RIMS1: variants seen among roughly 807,000 people sequenced by gnomAD.
The protein encoded by RIMS1 is regulating synaptic membrane exocytosis 1.
Under a neutral mutation model 214.1 loss-of-function variants are expected in RIMS1, and 83 were observed. The observed-to-expected ratio is 0.39, with a 90% CI of 0.32 to 0.47. RIMS1 has a LOEUF of 0.47. RIMS1 is among the 20% of genes least tolerant of loss of function. The probability of loss-of-function intolerance (pLI) is 0.99; values close to 1 mark genes in which losing one functional copy is unlikely to be tolerated. For missense variants in RIMS1, 2,050 were observed against 2,161.8 expected (o/e 0.95, Z 1.03); for synonymous variants, 793 against 786.8 (o/e 1.01, Z -0.13).
intron 19 of RIMS1, chr6:72,263,264 C>G (rs776510767): frequency 6.8e-4 from 670 of 985,086 alleles, no homozygotes; most frequent in Non-Finnish European, 7.6e-4. Flanking sequence ...TTTAATTTCC[C>G]AACCTTTTTT....
At position 72,388,829 on chromosome 6, in the gene RIMS1, G is replaced by A. The variant is rs184345344; in HGVS notation, c.4367-1769G>A. On this transcript the variant is annotated intron_variant, in intron 29 of 33. Coordinates refer to ENST00000521978, the MANE Select transcript of RIMS1 (RefSeq NM_014989.7). The stretch of plus-strand genomic sequence containing the variant: ...CCATTTACTGTGGGAGGAGGATTTA[G>A]TAGTGGGAGGTGGTAGTGTGGTGGA... Among the ~76,000 whole-genome samples, 389 of 152,324 alleles carry A rather than the reference G, an allele frequency of 2.6e-3. 1 individual carries two copies. Among genetic ancestry groups the A allele is most frequent in the Non-Finnish European group, 2.9e-3 (194 of 68,020 alleles).
chr6:72,010,780 A>G lies in RIMS1; in HGVS notation c.245+41717A>G, dbSNP rs182008184. On this transcript the variant is annotated intron_variant, in intron 2 of 33. Transcript: ENST00000521978. ...GGAATCCAACTTACAAGGGATGTGA[A>G]GGACCTCTTCAAGGAGAACTACAAA... is the stretch of plus-strand genomic sequence containing the variant. Among the ~76,000 whole-genome samples, 67 of 152,322 alleles carry G rather than the reference A, an allele frequency of 4.4e-4. No homozygotes were observed. The East Asian group carries it at 8.7e-3, about 20-fold the overall frequency.
At chr6:72,016,228 T>C (rs1326251919) in intron 2 of RIMS1, among the ~76,000 whole-genome samples, 8 of 152,174 alleles carry the variant, frequency 5.3e-5, no homozygotes, top group Non-Finnish European at 1.2e-4. Context: ...GATGATTTTT[T>C]TATAAGGGGT....
chr6:72,172,654 T>C (rs998189792), intron 4 of RIMS1, among the ~76,000 whole-genome samples: 4 of 152,194 alleles, frequency 2.6e-5, no homozygotes, highest in African/African-American at 9.6e-5. Context: ...TCATATTCTA[T>C]GGATTGGATA....
intron 2 of RIMS1, among the ~76,000 whole-genome samples, chr6:72,030,617 A>G (rs1017045330): frequency 1.3e-5 from 2 of 152,140 alleles, no homozygotes; most frequent in Non-Finnish European, 2.9e-5. Context: ...CATTTTAATT[A>G]TTATAATAAA....
At chr6:72,013,597 G>A (rs951317346) in intron 2 of RIMS1, among the ~76,000 whole-genome samples, 2 of 152,140 alleles carry the variant, frequency 1.3e-5, no homozygotes, top group Admixed American at 6.5e-5. Context: ...TTTGCCTAAG[G>A]AGACAGCAGT....
At position 71,937,799 on chromosome 6, in the gene RIMS1, A is replaced by C. The variant is rs539502443; in HGVS notation, c.165-31184A>C. ...TTATATTTCAACATAAATTATGAAG[A>C]GGACAGTTAAATCATAGAATTCTAC... On this transcript the variant is annotated intron_variant, in intron 1 of 33. Coordinates refer to ENST00000521978, the MANE Select transcript of RIMS1 (RefSeq NM_014989.7). Among the ~76,000 whole-genome samples the C allele has an allele frequency of 2.6e-5, 4 of 152,326 alleles. No individual in the cohort carries two copies. The South Asian group carries it at 8.3e-4, about 32-fold the overall frequency.
intron 6 of RIMS1, among the ~76,000 whole-genome samples, chr6:72,186,900 G>C (rs2049197772): frequency 6.6e-6 from 1 of 152,196 alleles, no homozygotes; most frequent in East Asian, 1.9e-4. Flanking sequence ...GGAGGCCGAG[G>C]TGGGGGGATT....
At chr6:72,341,634 A>T (rs1225639574) in intron 29 of RIMS1, among the ~76,000 whole-genome samples, 1 of 151,812 alleles carries the variant, frequency 6.6e-6, no homozygotes, top group Non-Finnish European at 1.5e-5. Flanking sequence ...TTACACTGGA[A>T]GGAAATCATT....
At chr6:72,141,317 A>G (rs2042051756) in intron 4 of RIMS1, among the ~76,000 whole-genome samples, 1 of 151,994 alleles carries the variant, frequency 6.6e-6, no homozygotes, top group Non-Finnish European at 1.5e-5. Flanking sequence ...TGCTGTTACT[A>G]GAAAATAACT....
At position 72,307,272 on chromosome 6, in the gene RIMS1, G is replaced by T; in HGVS notation, c.3865G>T (p.Glu1289Ter). Residue 1289 changes from glutamate to a stop codon, truncating the protein, a stop_gained, in exon 27 of 34, where the codon GAG (glutamate) becomes TAG (stop). Coordinates refer to ENST00000521978, the MANE Select transcript of RIMS1 (RefSeq NM_014989.7). LOFTEE classifies it high-confidence loss of function. ...GSIEQASLVV[E>*]ERTRQMKMKV... Reference sequence around the variant, plus strand: ...TGTTTTTGCAGCAAGCTTAGTAGTGGAGGAGCGAACAAGACAGATGAAAAT... The same window carrying T: ...TGTTTTTGCAGCAAGCTTAGTAGTGTAGGAGCGAACAAGACAGATGAAAAT... 1 of 1,599,040 alleles carries T rather than the reference G, an allele frequency of 6.3e-7. No individual in the cohort carries two copies.
Position 72,252,817 on chromosome 6 carries a change from G to A in RIMS1, c.2755G>A (p.Gly919Ser), listed in dbSNP as rs2074035245. 1.9e-6 allele frequency: 3 copies of A among 1,556,038 alleles called. No individual in the cohort carries two copies. Among genetic ancestry groups the A allele is most frequent in the Admixed American group, 3.9e-5 (2 of 51,506 alleles). ...AGATTATGAGGTTGATGATGGTATT[G>A]GCGTAGTTCCTCCAGGTGCGTGGGT... is the stretch of plus-strand genomic sequence containing the variant. The part of the protein sequence containing the change: ...ISDYEVDDGI[G>S]VVPPVGYRSS... Residue 919 changes from glycine (G) to serine (S), a missense_variant, in exon 16 of 34, where the codon GGC becomes AGC. Gly to Ser is a moderately conservative substitution (Grantham distance 56). Coordinates refer to ENST00000521978, the MANE Select transcript of RIMS1 (RefSeq NM_014989.7).
At chr6:72,065,962 C>T (rs957014000) in intron 2 of RIMS1, among the ~76,000 whole-genome samples, 2 of 149,872 alleles carry the variant, frequency 1.3e-5, no homozygotes, top group African/African-American at 4.9e-5. Context: ...TGTGGATATT[C>T]CAACTGAATT....
At position 72,401,786 on chromosome 6, in the gene RIMS1, G is replaced by A. The variant is rs1303095484; in HGVS notation, c.*1072G>A. 1.3e-5 allele frequency: 2 copies of A among 152,640 alleles called. No individual in the cohort carries two copies. The highest frequency in any genetic ancestry group is 6.5e-5 in the Admixed American group (1 of 15,282). 9.5% of individuals were successfully genotyped at this position (152,640 alleles called of 1,614,324 possible). ...TAGACACATCCATCTGCCCTGGAAA[G>A]AGCATGGTATGAGCTGTTCAATATT... is the stretch of plus-strand genomic sequence containing the variant. On this transcript the variant is annotated 3_prime_UTR_variant, in exon 34 of 34. Transcript: ENST00000521978.
At chr6:71,919,060 C>T (rs953068045) in intron 1 of RIMS1, among the ~76,000 whole-genome samples, 4 of 152,066 alleles carry the variant, frequency 2.6e-5, no homozygotes, top group Admixed American at 1.3e-4. Flanking sequence ...ATGTGGGTTT[C>T]AGGAATATAA....
intron 4 of RIMS1, among the ~76,000 whole-genome samples, chr6:72,160,552 C>T (rs528514266): frequency 7.2e-5 from 10 of 139,070 alleles, no homozygotes; most frequent in African/African-American, 1.7e-4. Context: ...TTTTGAGATG[C>T]ATCCCATCAA....
intron 18 of RIMS1, among the ~76,000 whole-genome samples, chr6:72,260,489 A>C (rs1421837007): frequency 6.6e-6 from 1 of 152,160 alleles, no homozygotes; most frequent in Non-Finnish European, 1.5e-5. Flanking sequence ...TACAATGGCA[A>C]ATCAGCAACA....
At chr6:72,253,551 A>G (rs2074403084) in intron 16 of RIMS1, among the ~76,000 whole-genome samples, 1 of 152,200 alleles carries the variant, frequency 6.6e-6, no homozygotes, top group Non-Finnish European at 1.5e-5. Context: ...TAATGAGAGG[A>G]GAAGTAAATA....
chr6:72,092,497 A>G (rs750745142), intron 2 of RIMS1, among the ~76,000 whole-genome samples: 1 of 152,162 alleles, frequency 6.6e-6, no homozygotes, highest in Non-Finnish European at 1.5e-5. Context: ...ACTGAGAAAA[A>G]GCAAGCTCTT....
Sources: gnomAD v4.1 joint callset for allele counts (sites outside exome capture counted in the v4.1 genomes callset) on GRCh38, gnomAD v4.1.1 for gene constraint, MANE v1.5 for transcripts, NCBI Gene and HGNC (gene_info 2026-07-23, HGNC 2026-07-21) for gene names.